The following RNF212 variants were observed in gnomAD, a reference collection of about 807,000 sequenced individuals.
The protein encoded by RNF212 is ring finger protein 212.
Under a neutral mutation model 34.7 loss-of-function variants are expected in RNF212, and 33 were observed. The observed-to-expected ratio is 0.95, with a 90% CI of 0.72 to 1.27. The LOEUF (loss-of-function observed/expected upper bound fraction) is 1.27. Among genes scored for constraint, RNF212 ranks in the 50% most tolerant of loss-of-function variants. The probability of loss-of-function intolerance (pLI) is 0.00; values close to 1 mark genes in which losing one functional copy is unlikely to be tolerated. For synonymous variants in RNF212, 140 were observed against 136.1 expected (o/e 1.03, Z -0.20); for missense variants, 377 against 362.2 (o/e 1.04, Z -0.33).
intron 8 of RNF212, among the ~76,000 whole-genome samples, chr4:1,074,692 T>C (rs80257060): frequency 1.3e-5 from 2 of 152,176 alleles, no homozygotes; most frequent in South Asian, 2.1e-4. Flanking sequence ...AGCTTTCTCA[T>C]GGAGCTGTCC....
rs73792273 is a variant in RNF212 at position 1,101,178 on chromosome 4, C to T, written c.172-4339G>A. 1,886 of 219,634 alleles carry T rather than the reference C, an allele frequency of 8.6e-3. 43 individuals carry two copies. Among genetic ancestry groups the T allele is most frequent in the South Asian group, 0.058 (729 of 12,484 alleles). The allele number at this position is 219,634 out of a possible 1,614,324, so 13.6% of individuals were successfully genotyped here. A position where few individuals can be genotyped will look rare whatever the true frequency, so the allele number is the denominator to read the frequency against. ...GGAGTGACTGCGACCCCTAGACCCA[C>T]GGGCCTAACGACTGGCACTCACAGT... On this transcript the variant is annotated intron_variant, in intron 2 of 9. Transcript: ENST00000433731.
At chr4:1,094,007 C>T (rs1299894522) in intron 3 of RNF212, 2 of 1,533,484 alleles carry the variant, frequency 1.3e-6, no homozygotes, top group Non-Finnish European at 1.7e-6. Context: ...TCGGGAAAGC[C>T]TGAGATACTG....
chr4:1,113,360 G>T lies in RNF212; in HGVS notation c.105C>A (p.Gly35=). The change falls in exon 1 of 10, where the codon GGC becomes GGA. Residue 35 remains glycine (G), a synonymous_variant. Transcript: ENST00000433731. ...CGHVYCDACL[G]KGKKNECLIC... ...CTGCGTTCGGGAAGCCCTGACCTTT[G>T]CCGAGGCAGGCGTCGCAGTACACGT... 6.8e-7 allele frequency: 1 copy of T among 1,470,958 alleles called. No individual in the cohort carries two copies. The highest frequency in any genetic ancestry group is 9.1e-7 in the Non-Finnish European group (1 of 1,104,202). The allele number at this position is 1,470,958 out of a possible 1,614,324, so 91.1% of individuals were successfully genotyped here. A position where few individuals can be genotyped will look rare whatever the true frequency, so the allele number is the denominator to read the frequency against.
chr4:1,070,017 T>C (rs972022744), downstream of RNF212, among the ~76,000 whole-genome samples: 10 of 151,124 alleles, frequency 6.6e-5, no homozygotes, highest in African/African-American at 2.4e-4. Flanking sequence ...CGTGGACGCC[T>C]GGCCTGAGTT....
At chr4:1,108,553 C>T (rs2153066588) in intron 1 of RNF212, 149 bp from the exon 2 acceptor site, 1 of 447,186 alleles carries the variant, frequency 2.2e-6, no homozygotes, top group East Asian at 3.6e-5. Context: ...GCTGTGGGTA[C>T]TGGTACAGTT....
intron 5 of RNF212, 112 bp from the exon 6 acceptor site, chr4:1,081,731 G>A: frequency 2.7e-6 from 2 of 753,192 alleles, no homozygotes; most frequent in Admixed American, 2.2e-5. Flanking sequence ...TTCTTACTGG[G>A]TTTGCAAACG....
chr4:1,102,450 G>A (rs1477027116), intron 2 of RNF212, among the ~76,000 whole-genome samples: 1 of 152,058 alleles, frequency 6.6e-6, no homozygotes, highest in African/African-American at 2.4e-5. Flanking sequence ...AAATCTCTAT[G>A]TATACATGGA....
intron 4 of RNF212, among the ~76,000 whole-genome samples, 188 bp downstream of exon 4, chr4:1,090,594 A>C (rs1354066872): frequency 6.6e-6 from 1 of 152,164 alleles, no homozygotes; most frequent in East Asian, 1.9e-4. Flanking sequence ...GTAACTACAG[A>C]CAAGGGTTGG....
chr4:1,079,566 G>A (rs147162763), intron 8 of RNF212, 77 bp downstream of exon 8: 122 of 1,015,366 alleles, frequency 1.2e-4, no homozygotes, highest in Admixed American at 7.3e-4. Flanking sequence ...GAGAGGTTAC[G>A]TTTTTCACTA....
chr4:1,091,307 C>T (rs568665940), intron 3 of RNF212, among the ~76,000 whole-genome samples: 1 of 152,324 alleles, frequency 6.6e-6, no homozygotes, highest in Admixed American at 6.5e-5. Context: ...CAGCACCCTC[C>T]CATTTACAGG....
Position 1,081,221 on chromosome 4 carries a change from C to T in RNF212, c.464+198G>A, listed in dbSNP as rs143723235. ...TGCAGGATGGAGTGCTCTGATTGGC[C>T]ACCTGGATCACACACTTAGTTTGGG... On this transcript the variant is annotated intron_variant, in intron 7 of 9. Coordinates refer to ENST00000433731, the MANE Select transcript of RNF212 (RefSeq NM_001131034.4). Among the ~76,000 whole-genome samples, 282 of 152,206 alleles carry T rather than the reference C, an allele frequency of 1.9e-3. 1 individual carries two copies. The highest frequency in any genetic ancestry group is 6.5e-3 in the African/African-American group (269 of 41,504).
intron 3 of RNF212, among the ~76,000 whole-genome samples, chr4:1,061,300 G>C (rs892713635): frequency 3.2e-4 from 48 of 152,318 alleles, no homozygotes; most frequent in African/African-American, 1.2e-3. Flanking sequence ...GCTTCCAGAG[G>C]GGGTGGGCTC....
chr4:1,110,260 A>G (rs962861099), intron 1 of RNF212, among the ~76,000 whole-genome samples: 6 of 152,230 alleles, frequency 3.9e-5, no homozygotes, highest in Non-Finnish European at 8.8e-5. Flanking sequence ...CTGAATAGGC[A>G]TAGGAAAAAA....
At chr4:1,090,949 T>A in intron 3 of RNF212, 111 bp from the exon 4 acceptor site, 1 of 679,760 alleles carries the variant, frequency 1.5e-6, no homozygotes, top group Non-Finnish European at 2.6e-6. Flanking sequence ...TCACAGTGCT[T>A]GTCTTACGTG....
intron 5 of RNF212, 102 bp from the exon 6 acceptor site, chr4:1,081,721 T>C (rs1720383257): frequency 1.2e-6 from 1 of 830,200 alleles, no homozygotes; most frequent in Non-Finnish European, 2.0e-6. Context: ...CAGTGAAATG[T>C]TCTTACTGGG....
intron 4 of RNF212, chr4:1,056,617 G>T: frequency 2.1e-6 from 1 of 467,176 alleles, no homozygotes; most frequent in Non-Finnish European, 2.8e-6. Context: ...AGTATTTTCA[G>T]AGTATTATCA....
chr4:1,079,868 G>A (rs906103102), intron 7 of RNF212, among the ~76,000 whole-genome samples, 180 bp from the exon 8 acceptor site: 1 of 152,192 alleles, frequency 6.6e-6, no homozygotes, highest in East Asian at 1.9e-4. Context: ...CCTCTTTAGG[G>A]CCACCCGCCG....
At chr4:1,093,526 G>A (rs1012847758) in intron 3 of RNF212, 3 of 1,526,464 alleles carry the variant, frequency 2.0e-6, no homozygotes, top group Non-Finnish European at 1.8e-6. Flanking sequence ...CGAGGTCACT[G>A]GGCAGAGCCT....
intron 3 of RNF212, among the ~76,000 whole-genome samples, chr4:1,092,459 T>G (rs28620427): frequency 0.57 from 85,978 of 152,018 alleles, 26,315 homozygotes; most frequent in Non-Finnish European, 0.68. Flanking sequence ...CAGGACTCCA[T>G]TAGGGGGAGC....
Sources: gnomAD v4.1 joint callset for allele counts (sites outside exome capture counted in the v4.1 genomes callset) on GRCh38, gnomAD v4.1.1 for gene constraint, MANE v1.5 for transcripts, NCBI Gene and HGNC (gene_info 2026-07-23, HGNC 2026-07-21) for gene names.